The following GFOD1 variants were observed in gnomAD, a reference collection of about 807,000 sequenced individuals.
The protein encoded by GFOD1 is Gfo/Idh/MocA-like oxidoreductase domain containing 1.
Under a neutral mutation model 25.4 loss-of-function variants are expected in GFOD1, and 9 were observed. The ratio of observed to expected loss-of-function variants is 0.35; its 90% confidence interval spans 0.21 to 0.62. The LOEUF (loss-of-function observed/expected upper bound fraction) is 0.62. GFOD1 is among the 20% of genes least tolerant of loss of function. The probability of loss-of-function intolerance (pLI) is 0.72; values close to 1 mark genes in which losing one functional copy is unlikely to be tolerated. For missense variants in GFOD1, 403 were observed against 556.9 expected (o/e 0.72, Z 2.78); for synonymous variants, 253 against 245.6 (o/e 1.03, Z -0.28).
At chr6:13,373,019 C>G (rs370597594) in intron 1 of GFOD1, among the ~76,000 whole-genome samples, 2 of 152,214 alleles carry the variant, frequency 1.3e-5, no homozygotes, top group African/African-American at 4.8e-5. Flanking sequence ...AAGGTAGAGA[C>G]GGCTTGCTTT....
chr6:13,486,547 G>A (rs1758874570), intron 1 of GFOD1, 91 bp downstream of exon 1: 2 of 1,075,172 alleles, frequency 1.9e-6, no homozygotes, highest in Non-Finnish European at 2.7e-6. Context: ...TAAGCTTCTG[G>A]GATGCGGAGA....
chr6:13,389,401 G>A (rs1161641780), intron 1 of GFOD1, among the ~76,000 whole-genome samples: 1 of 152,172 alleles, frequency 6.6e-6, no homozygotes, highest in Non-Finnish European at 1.5e-5. Context: ...AAGAAATTGT[G>A]GCACATATAC....
chr6:13,411,095 A>C (rs1786069332), intron 1 of GFOD1, among the ~76,000 whole-genome samples: 1 of 152,172 alleles, frequency 6.6e-6, no homozygotes, highest in Non-Finnish European at 1.5e-5. Context: ...GCGTTATAGG[A>C]CAAATGAGAC....
intron 1 of GFOD1, among the ~76,000 whole-genome samples, chr6:13,468,372 C>T (rs1758414416): frequency 6.6e-6 from 1 of 152,010 alleles, no homozygotes; most frequent in Non-Finnish European, 1.5e-5. Flanking sequence ...TCATATTTAC[C>T]TAACTGTTCT....
At chr6:13,483,105 A>G (rs1758789451) in intron 1 of GFOD1, among the ~76,000 whole-genome samples, 1 of 152,186 alleles carries the variant, frequency 6.6e-6, no homozygotes, top group African/African-American at 2.4e-5. Context: ...ACATGAATAT[A>G]TAGCCAATTC....
At position 13,361,083 on chromosome 6, in the gene GFOD1, G is replaced by C. The variant is rs1784939925; in HGVS notation, c.*3660C>G. 2.8e-6 allele frequency: 1 copy of C among 351,232 alleles called. No homozygotes were observed. The highest frequency in any genetic ancestry group is 3.8e-5 in the Admixed American group (1 of 26,116). The allele number at this position is 351,232 out of a possible 1,614,324, so 21.8% of individuals were successfully genotyped here. A position where few individuals can be genotyped will look rare whatever the true frequency, so the allele number is the denominator to read the frequency against. Reference sequence around the variant, plus strand: ...ACATACTTAAAATACTCTGCACACAGTGGACAAGTCTTGGAGTTGGCCAGT... The same window carrying C: ...ACATACTTAAAATACTCTGCACACACTGGACAAGTCTTGGAGTTGGCCAGT... On this transcript the variant is annotated 3_prime_UTR_variant, in exon 2 of 2. Transcript: ENST00000379287.
In GFOD1 at chr6:13,486,744, G is replaced by A. The variant is rs112233421; in HGVS notation, c.147C>T (p.Pro49=). Residue 49 remains proline, a synonymous_variant, in exon 1 of 2, where the codon CCC becomes CCT. Transcript: ENST00000379287. ...CCTCATCAATGCGGCTAGTGTAGAA[G>A]GGGACACTCATCTCCTTGGCCAGCT... ...AEELAKEMSV[P]FYTSRIDEVL... is the part of the protein sequence containing the mutation. The A allele has an allele frequency of 1.6e-3, 2,523 of 1,614,158 alleles. 35 individuals are homozygous for A. The African/African-American group carries it at 0.03, about 19-fold the overall frequency.
intron 1 of GFOD1, among the ~76,000 whole-genome samples, chr6:13,417,122 A>G (rs541189796): frequency 1.9e-4 from 29 of 152,370 alleles, no homozygotes; most frequent in Middle Eastern, 6.8e-3. Context: ...TGAGAAGCAC[A>G]TGCTAAGTTA....
rs1271807623 is a variant in GFOD1, at chr6:13,430,434, C to A, written c.253+56204G>T. Among the ~76,000 whole-genome samples, 1 of 151,972 alleles carries A rather than the reference C, an allele frequency of 6.6e-6. No homozygotes were observed. Among genetic ancestry groups the A allele is most frequent in the African/African-American group, 2.4e-5 (1 of 41,360 alleles). ...CCTGGGTGACAGAACGAGACTCCAC[C>A]TCAAAATAAATAAATAAGTAAATAA... is the stretch of plus-strand genomic sequence containing the variant. On this transcript the variant is annotated intron_variant, in intron 1 of 1. Coordinates refer to ENST00000379287, the MANE Select transcript of GFOD1 (RefSeq NM_018988.4). The surrounding 1 kb of genome is among the most constrained non-coding windows in gnomAD (Gnocchi z 4.1).
At chr6:13,402,937 T>C (rs1785874947) in intron 1 of GFOD1, among the ~76,000 whole-genome samples, 1 of 152,198 alleles carries the variant, frequency 6.6e-6, no homozygotes, top group Non-Finnish European at 1.5e-5. Context: ...CAAATGTCCA[T>C]CAACCGATGA....
At chr6:13,461,724 CAGAG>C (rs1473242701) in intron 1 of GFOD1, among the ~76,000 whole-genome samples, 1 of 152,158 alleles carries the variant, frequency 6.6e-6, no homozygotes, top group Non-Finnish European at 1.5e-5. Flanking sequence ...CCTCTGACTT[CAGAG>C]AGAAAGGAGG....
intron 1 of GFOD1, among the ~76,000 whole-genome samples, chr6:13,405,720 A>G (rs947612717): frequency 8.5e-5 from 13 of 152,224 alleles, no homozygotes; most frequent in African/African-American, 3.1e-4. Context: ...AACTTAGATC[A>G]TATTATTCCA....
intron 1 of GFOD1, chr6:13,469,959 A>T: frequency 7.7e-7 from 1 of 1,306,728 alleles, no homozygotes; most frequent in South Asian, 1.2e-5. Context: ...TAGGTTCTGG[A>T]TAGATGATGA....
chr6:13,457,970 C>T (rs1169820551), intron 1 of GFOD1, among the ~76,000 whole-genome samples: 2 of 152,258 alleles, frequency 1.3e-5, no homozygotes, highest in African/African-American at 4.8e-5. Flanking sequence ...TCCTTCTCAT[C>T]AACCCAGAAG....
chr6:13,371,886 A>G (rs1162125325), intron 1 of GFOD1, among the ~76,000 whole-genome samples: 2 of 152,088 alleles, frequency 1.3e-5, no homozygotes, highest in Non-Finnish European at 2.9e-5. Context: ...GCTGTCTTGG[A>G]GGGTTGCCGC....
At chr6:13,470,496 C>T in intron 1 of GFOD1, 6 of 1,550,006 alleles carry the variant, frequency 3.9e-6, no homozygotes, top group Non-Finnish European at 5.2e-6. Context: ...CCAAGAGCAG[C>T]ATCGTGGGGG....
intron 1 of GFOD1, among the ~76,000 whole-genome samples, chr6:13,405,704 G>C (rs1381392971): frequency 1.3e-5 from 2 of 152,170 alleles, no homozygotes; most frequent in Non-Finnish European, 2.9e-5. Flanking sequence ...GTTTGAGATG[G>C]AATGAAACTT....
intron 1 of GFOD1, among the ~76,000 whole-genome samples, chr6:13,440,665 A>C (rs566519360): frequency 6.6e-6 from 1 of 152,312 alleles, no homozygotes; most frequent in South Asian, 2.1e-4. Context: ...CAATTTTGCT[A>C]CCAGATGTTT....
chr6:13,442,905 T>C (rs1156563349), intron 1 of GFOD1, among the ~76,000 whole-genome samples: 4 of 152,332 alleles, frequency 2.6e-5, no homozygotes, highest in African/African-American at 2.4e-5. Context: ...AATCTTATTA[T>C]TTAAGAAATA....
Sources: gnomAD v4.1 joint callset for allele counts (sites outside exome capture counted in the v4.1 genomes callset) on GRCh38, gnomAD v4.1.1 for gene constraint, Gnocchi (gnomAD v3.1) non-coding constraint, MANE v1.5 for transcripts, NCBI Gene and HGNC (gene_info 2026-07-23, HGNC 2026-07-21) for gene names.